ZNF652: variants seen among roughly 807,000 people sequenced by gnomAD.
The protein encoded by ZNF652 is zinc finger protein 652.
A neutral mutation model predicts 45.2 loss-of-function variants in ZNF652; 16 were observed. The ratio of observed to expected loss-of-function variants is 0.35; its 90% CI spans 0.24 to 0.54. The LOEUF (loss-of-function observed/expected upper bound fraction) is 0.54. ZNF652 is among the 20% of genes least tolerant of loss of function. The pLI is 0.91. For synonymous variants in ZNF652, 250 were observed against 260.6 expected, an observed-to-expected ratio of 0.96 and a Z score of 0.39; for missense variants, 614 against 765.6, an observed-to-expected ratio of 0.80 and a Z score of 2.34.
At chr17:49,305,482 T>A (rs1175872500) in intron 5 of ZNF652, among the ~76,000 whole-genome samples, 2 of 151,930 alleles carry the variant, frequency 1.3e-5, no homozygotes, top group African/African-American at 2.4e-5. Context: ...GATAATAATC[T>A]CCTTAATAGA....
chr17:49,339,102 G>A (rs897030899), intron 1 of ZNF652, among the ~76,000 whole-genome samples: 1 of 151,736 alleles, frequency 6.6e-6, no homozygotes, highest in Admixed American at 6.6e-5. Flanking sequence ...TACTTAACCA[G>A]CCACACTAGT....
chr17:49,301,393 AC>A (rs2069550326), intron 5 of ZNF652, among the ~76,000 whole-genome samples: 1 of 151,868 alleles, frequency 6.6e-6, no homozygotes, highest in South Asian at 2.1e-4. Flanking sequence ...TGCCTCCTGG[AC>A]TCAAGTGATC....
chr17:49,336,771 C>G (rs533765714), intron 1 of ZNF652, among the ~76,000 whole-genome samples: 2 of 151,640 alleles, frequency 1.3e-5, no homozygotes, highest in Non-Finnish European at 2.9e-5. Flanking sequence ...GGATTACAGG[C>G]GCATGCTACC....
chr17:49,331,923 C>A (rs1243450456), intron 1 of ZNF652, among the ~76,000 whole-genome samples: 1 of 151,974 alleles, frequency 6.6e-6, no homozygotes, highest in African/African-American at 2.4e-5. Context: ...GAGCTGAGAT[C>A]GCAGCACTGC....
At chr17:49,299,707 G>C (rs1284351259) in intron 5 of ZNF652, among the ~76,000 whole-genome samples, 1 of 151,878 alleles carries the variant, frequency 6.6e-6, no homozygotes, top group Non-Finnish European at 1.5e-5. Context: ...ACAGGATCTT[G>C]CTCTGTCACC....
intron 3 of ZNF652, 46 bp downstream of exon 3, chr17:49,312,652 G>C (rs2072153): frequency 0.32 from 507,453 of 1,589,804 alleles, 82,716 homozygotes; most frequent in South Asian, 0.44. Flanking sequence ...GCACACAGAA[G>C]AACAAGGGAA....
At chr17:49,359,562 G>C (rs1016465777) in intron 1 of ZNF652, among the ~76,000 whole-genome samples, 4 of 152,104 alleles carry the variant, frequency 2.6e-5, no homozygotes, top group Non-Finnish European at 4.4e-5. Context: ...CTAAAGAGCC[G>C]GTACTGTGCT....
chr17:49,351,023 ACAC>A (rs2070275593), intron 1 of ZNF652, among the ~76,000 whole-genome samples: 1 of 81,808 alleles, frequency 1.2e-5, no homozygotes, highest in African/African-American at 6.0e-5. Flanking sequence ...ATACACACAC[ACAC>A]ACACACACAC....
chr17:49,360,489 A>G (rs1193467616), intron 1 of ZNF652, among the ~76,000 whole-genome samples: 1 of 152,226 alleles, frequency 6.6e-6, no homozygotes, highest in African/African-American at 2.4e-5. Flanking sequence ...AACAGTTTAA[A>G]CAAAATTATA....
intron 1 of ZNF652, among the ~76,000 whole-genome samples, chr17:49,334,220 C>T (rs2070056936): frequency 6.6e-6 from 1 of 152,118 alleles, no homozygotes. Context: ...GTGGCTCATG[C>T]CTGTAATCCC....
chr17:49,312,523 G>A (rs2069730260), intron 3 of ZNF652, among the ~76,000 whole-genome samples, 175 bp downstream of exon 3: 1 of 152,084 alleles, frequency 6.6e-6, no homozygotes, highest in South Asian at 2.1e-4. Context: ...AGAAAGCTGG[G>A]TGTGGAAGAC....
Position 49,317,451 on chromosome 17 carries a change from G to A in ZNF652, c.275C>T (p.Ala92Val), listed in dbSNP as rs373115735. 1.9e-6 allele frequency: 3 copies of A among 1,614,094 alleles called. No individual in the cohort carries two copies. The highest frequency in any genetic ancestry group is 2.5e-6 in the Non-Finnish European group (3 of 1,180,036). The change falls in exon 2 of 6, where the codon GCT (alanine) becomes GTT (valine). Residue 92 changes from alanine to valine, a missense_variant. Physicochemically the swap from Ala to Val is moderately conservative, Grantham distance 64. Coordinates refer to ENST00000430262, the MANE Select transcript of ZNF652 (RefSeq NM_001145365.3). ...RETRAVSDVH[A>V]VKEDRENSDD... The stretch of plus-strand genomic sequence containing the variant: ...AGAATTCTCCCGGTCTTCCTTAACA[G>A]CATGCACGTCAGACACTGCTCTTGT...
At chr17:49,355,728 T>A (rs2070329256) in intron 1 of ZNF652, among the ~76,000 whole-genome samples, 1 of 151,516 alleles carries the variant, frequency 6.6e-6, no homozygotes, top group East Asian at 2.0e-4. Flanking sequence ...TGAAACCCCG[T>A]CTCTACTAAA....
intron 1 of ZNF652, among the ~76,000 whole-genome samples, chr17:49,342,513 C>A (rs975656981): frequency 7.6e-6 from 1 of 131,700 alleles, no homozygotes; most frequent in African/African-American, 2.9e-5. Context: ...CTGCAACTTT[C>A]GAGCAAGACT....
Position 49,298,377 on chromosome 17 carries a change from A to C in ZNF652, c.*36T>G, listed in dbSNP as rs778387340. The stretch of plus-strand genomic sequence containing the variant: ...CCTCTGTGCACGCTCACACATGGGG[A>C]CGTGTCTCCTGGAGAACACACTAAG... On this transcript the variant is annotated 3_prime_UTR_variant, in exon 6 of 6. Transcript: ENST00000430262. 1 of 1,610,736 alleles carries C rather than the reference A, an allele frequency of 6.2e-7. No individual in the cohort carries two copies. Among genetic ancestry groups the C allele is most frequent in the Non-Finnish European group, 8.5e-7 (1 of 1,179,260 alleles).
chr17:49,321,795 A>C (rs181952033), intron 1 of ZNF652, among the ~76,000 whole-genome samples: 3 of 152,356 alleles, frequency 2.0e-5, no homozygotes, highest in Admixed American at 2.0e-4. Flanking sequence ...ATGATCAGTG[A>C]AACTATCAGC....
intron 1 of ZNF652, among the ~76,000 whole-genome samples, chr17:49,355,360 G>C (rs1241277280): frequency 7.0e-6 from 1 of 143,086 alleles, no homozygotes; most frequent in Non-Finnish European, 1.5e-5. Flanking sequence ...CGAGAGGAGA[G>C]AATCACTTGA....
chr17:49,344,047 A>C (rs1431764945), intron 1 of ZNF652, among the ~76,000 whole-genome samples: 2 of 152,026 alleles, frequency 1.3e-5, no homozygotes, highest in East Asian at 3.9e-4. Context: ...AAAATACAAA[A>C]AAAATTAGCC....
intron 1 of ZNF652, among the ~76,000 whole-genome samples, chr17:49,331,422 A>G (rs1222877025): frequency 1.3e-5 from 2 of 152,078 alleles, no homozygotes; most frequent in Non-Finnish European, 2.9e-5. Flanking sequence ...TGCTTGGCCA[A>G]ATGTGCCTTT....
Sources: gnomAD v4.1 joint callset for allele counts (sites outside exome capture counted in the v4.1 genomes callset) on GRCh38, gnomAD v4.1.1 for gene constraint, MANE v1.5 for transcripts, NCBI Gene and HGNC (gene_info 2026-07-23, HGNC 2026-07-21) for gene names.